The following CPA3 variants were observed in gnomAD, a reference collection of about 807,000 sequenced individuals.
CPA3 encodes carboxypeptidase A3.
A neutral mutation model predicts 55.8 loss-of-function variants in CPA3; 52 were observed. The ratio of observed to expected loss-of-function variants is 0.93; its 90% confidence interval spans 0.75 to 1.17. CPA3 has a LOEUF of 1.17. Ranked by LOEUF, CPA3 falls within the 50% of genes most tolerant of loss-of-function variation. The pLI is 0.00. For missense variants in CPA3, 547 were observed against 509.1 expected (o/e 1.07, Z -0.72); for synonymous variants, 179 against 171.2 (o/e 1.05, Z -0.36).
intron 10 of CPA3, among the ~76,000 whole-genome samples, chr3:148,892,151 C>T (rs546426873): frequency 2.0e-5 from 3 of 152,236 alleles, no homozygotes; most frequent in African/African-American, 7.2e-5. Flanking sequence ...TAAAAGTAGA[C>T]ATTTTCCAAA....
chr3:148,880,926 T>G (rs1013206398), intron 6 of CPA3, among the ~76,000 whole-genome samples: 23 of 152,060 alleles, frequency 1.5e-4, no homozygotes, highest in African/African-American at 5.6e-4. Context: ...AAAAATCTTG[T>G]CTCCAATTCA....
chr3:148,868,427 C>T (rs1038617497), intron 2 of CPA3, among the ~76,000 whole-genome samples: 1 of 152,086 alleles, frequency 6.6e-6, no homozygotes, highest in South Asian at 2.1e-4. Flanking sequence ...TGCCCAAGGA[C>T]ATATTGCTAG....
At chr3:148,875,368 T>C (rs542223286) in intron 3 of CPA3, among the ~76,000 whole-genome samples, 3 of 152,192 alleles carry the variant, frequency 2.0e-5, no homozygotes, top group Non-Finnish European at 4.4e-5. Context: ...AGAAATCCTT[T>C]CTTTTTAATA....
chr3:148,884,650 T>C (rs1223770320), intron 9 of CPA3, among the ~76,000 whole-genome samples: 3 of 152,194 alleles, frequency 2.0e-5, no homozygotes, highest in African/African-American at 4.8e-5. Context: ...CAGCATTTAA[T>C]GTTAATTGGA....
At chr3:148,879,447 T>G (rs1714300328) in intron 5 of CPA3, among the ~76,000 whole-genome samples, 1 of 152,130 alleles carries the variant, frequency 6.6e-6, no homozygotes, top group African/African-American at 2.4e-5. Flanking sequence ...CAAAAGGAAG[T>G]GGCAGAAACA....
intron 10 of CPA3, among the ~76,000 whole-genome samples, chr3:148,886,463 C>T (rs950028704): frequency 7.9e-5 from 12 of 152,120 alleles, no homozygotes; most frequent in African/African-American, 1.2e-4. Flanking sequence ...TATCTACCTT[C>T]CTGTTTCCCA....
chr3:148,884,471 A>G (rs896176917), intron 9 of CPA3, among the ~76,000 whole-genome samples: 5 of 152,224 alleles, frequency 3.3e-5, no homozygotes, highest in Admixed American at 1.3e-4. Flanking sequence ...ATTGCTATAG[A>G]AGAAAATAAA....
At chr3:148,892,107 C>T (rs943984369) in intron 10 of CPA3, among the ~76,000 whole-genome samples, 1 of 152,154 alleles carries the variant, frequency 6.6e-6, no homozygotes, top group African/African-American at 2.4e-5. Flanking sequence ...TCTTCCTCCT[C>T]CTCCTTTTTT....
chr3:148,880,888 A>G (rs1054635864), intron 6 of CPA3, among the ~76,000 whole-genome samples: 1 of 152,134 alleles, frequency 6.6e-6, no homozygotes, highest in African/African-American at 2.4e-5. Flanking sequence ...TACTCAACAC[A>G]TAAAGGAATG....
rs1559966716 is a variant in CPA3 at position 148,873,036 on chromosome 3, ACACAC to A, written c.269+3998_269+4002del. The stretch of plus-strand genomic sequence containing the variant: ...TTTACTTCTATGAATACACACACAC[ACACAC>A]ACACACACACACACACACACTCACA... On this transcript the variant is annotated intron_variant, in intron 3 of 10. Coordinates refer to ENST00000296046, the MANE Select transcript of CPA3 (RefSeq NM_001870.4). 3.4e-3 allele frequency among the ~76,000 whole-genome samples: 508 copies of A among 150,930 alleles called. 1 individual carries two copies. Among genetic ancestry groups the A allele is most frequent in the African/African-American group, 0.011 (452 of 41,298 alleles).
chr3:148,870,596 A>G (rs1048873337), intron 3 of CPA3, among the ~76,000 whole-genome samples: 4 of 152,164 alleles, frequency 2.6e-5, no homozygotes, highest in African/African-American at 9.7e-5. Flanking sequence ...CAGAAATGTA[A>G]AAGTTAACAA....
intron 9 of CPA3, 146 bp downstream of exon 9, chr3:148,883,961 T>C: frequency 1.6e-6 from 1 of 639,296 alleles, no homozygotes. Flanking sequence ...GTTAAAATCA[T>C]GATCTTTAGA....
chr3:148,879,701 C>T, intron 5 of CPA3, 87 bp from the exon 6 acceptor site: 1 of 866,190 alleles, frequency 1.2e-6, no homozygotes, highest in Non-Finnish European at 1.9e-6. Flanking sequence ...GAAATAATTG[C>T]TTTGAGAATA....
Position 148,865,548 on chromosome 3 carries a change from G to A in CPA3, c.144G>A (p.Glu48=), listed in dbSNP as rs199942135. Residue 48 remains glutamate (E), a splice_region_variant and synonymous_variant, in exon 2 of 11, where the codon GAG becomes GAA. Coordinates refer to ENST00000296046, the MANE Select transcript of CPA3 (RefSeq NM_001870.4). ...TAAAGGACTTGGCCAAAACCAATGA[G>A]GTAAGCATTTAGAGGGATATTTTAT... The part of the protein sequence containing the change: ...DIIKDLAKTN[E]LDFWYPGATH... 4 of 1,612,812 alleles carry A rather than the reference G, an allele frequency of 2.5e-6. No homozygotes were observed. Among genetic ancestry groups the A allele is most frequent in the East Asian group, 4.5e-5 (2 of 44,824 alleles).
chr3:148,884,138 T>C (rs1370312301), intron 9 of CPA3, among the ~76,000 whole-genome samples: 1 of 152,202 alleles, frequency 6.6e-6, no homozygotes, highest in African/African-American at 2.4e-5. Flanking sequence ...GGTAAAACCA[T>C]GCACGGAAAA....
chr3:148,877,969 C>A (rs1013842276), intron 3 of CPA3, among the ~76,000 whole-genome samples: 1 of 151,962 alleles, frequency 6.6e-6, no homozygotes. Context: ...ACAATACGAG[C>A]CACATGCATA....
chr3:148,879,258 C>T (rs1230099890), intron 5 of CPA3, among the ~76,000 whole-genome samples: 1 of 152,108 alleles, frequency 6.6e-6, no homozygotes, highest in Non-Finnish European at 1.5e-5. Context: ...AAGTGAGAAG[C>T]CCATCCACAT....
At chr3:148,870,297 T>C (rs772461240) in intron 3 of CPA3, among the ~76,000 whole-genome samples, 2 of 151,912 alleles carry the variant, frequency 1.3e-5, no homozygotes, top group Non-Finnish European at 2.9e-5. Context: ...CTCCATTACC[T>C]GACTTGGTAC....
rs771798298 is a variant in CPA3, at chr3:148,869,058, T to C, written c.269+19T>C. 1.9e-6 allele frequency: 3 copies of C among 1,606,760 alleles called. No individual in the cohort carries two copies. Among genetic ancestry groups the C allele is most frequent in the Non-Finnish European group, 8.5e-7 (1 of 1,175,052 alleles). ...ACTATGAGTAAGTCCTTGGCAAATA[T>C]TGAAATTTGTTGGATATTCAAAGTT... On this transcript the variant is annotated intron_variant, in intron 3 of 10. Coordinates refer to ENST00000296046, the MANE Select transcript of CPA3 (RefSeq NM_001870.4).
Sources: gnomAD v4.1 joint callset for allele counts (sites outside exome capture counted in the v4.1 genomes callset) on GRCh38, gnomAD v4.1.1 for gene constraint, MANE v1.5 for transcripts, NCBI Gene and HGNC (gene_info 2026-07-23, HGNC 2026-07-21) for gene names.